Variants in SLC35F1 observed in about 807,000 individuals in gnomAD.
SLC35F1 encodes the protein chromosome 6 open reading frame 169.
In SLC35F1, 14 loss-of-function variants were observed where a neutral mutation model predicts 48.7. That is an observed-to-expected ratio of 0.29 (90% CI 0.19 to 0.45). The LOEUF (loss-of-function observed/expected upper bound fraction) is 0.45, where lower values mean the gene tolerates loss of function less well. SLC35F1 is among the 20% of genes least tolerant of loss of function. The pLI is 1.00. For synonymous variants in SLC35F1, 190 were observed against 202.2 expected, an observed-to-expected ratio of 0.94 and a Z score of 0.51; for missense variants, 404 against 500.0, an observed-to-expected ratio of 0.81 and a Z score of 1.83.
chr6:118,069,107 G>A (rs931633479), intron 1 of SLC35F1, among the ~76,000 whole-genome samples: 1 of 152,020 alleles, frequency 6.6e-6, no homozygotes, highest in Admixed American at 6.5e-5. Context: ...CCTTTAACGT[G>A]GTTTTTAATT....
intron 1 of SLC35F1, among the ~76,000 whole-genome samples, chr6:118,122,790 T>C (rs1773570525): frequency 1.3e-5 from 2 of 152,218 alleles, no homozygotes; most frequent in South Asian, 2.1e-4. Flanking sequence ...CCCTGGCTAA[T>C]TGGCATCCAA....
intron 1 of SLC35F1, among the ~76,000 whole-genome samples, chr6:117,937,737 T>C (rs2114817106): frequency 6.6e-6 from 1 of 152,318 alleles, no homozygotes; most frequent in Non-Finnish European, 1.5e-5. Context: ...ATGAGTACAC[T>C]GGGCAAAAAC....
Position 118,253,821 on chromosome 6 carries a change from T to C in SLC35F1, c.478-13174T>C, listed in dbSNP as rs766115055. On this transcript the variant is annotated intron_variant, in intron 3 of 7. Coordinates refer to ENST00000360388, the MANE Select transcript of SLC35F1 (RefSeq NM_001029858.4). ...GTGAAAGGAGCTGTCAGTATTGCTG[T>C]AGCTTGAGGAATGAATGGAACCAAG... Among the ~76,000 whole-genome samples, 69 of 151,946 alleles carry C rather than the reference T, an allele frequency of 4.5e-4. 1 individual carries two copies. The highest frequency in any genetic ancestry group is 7.9e-4 in the Admixed American group (12 of 15,256).
chr6:118,158,616 C>A (rs1774179375), intron 2 of SLC35F1, among the ~76,000 whole-genome samples: 2 of 152,130 alleles, frequency 1.3e-5, no homozygotes, highest in East Asian at 1.9e-4. Flanking sequence ...ATGCAAGAAA[C>A]CTTTCAAGAG....
intron 1 of SLC35F1, among the ~76,000 whole-genome samples, chr6:118,024,420 T>G (rs999468295): frequency 1.2e-4 from 18 of 152,232 alleles, no homozygotes; most frequent in Non-Finnish European, 1.8e-4. Flanking sequence ...ATCTTAGCAG[T>G]GTCCAATTTC....
intron 2 of SLC35F1, among the ~76,000 whole-genome samples, chr6:118,201,150 C>T (rs772949895): frequency 3.3e-5 from 5 of 152,144 alleles, no homozygotes; most frequent in Non-Finnish European, 7.3e-5. Context: ...ATGTTTATCT[C>T]CATTCTATTG....
intron 2 of SLC35F1, among the ~76,000 whole-genome samples, chr6:118,216,877 A>G (rs959473693): frequency 5.3e-5 from 8 of 152,184 alleles, no homozygotes; most frequent in African/African-American, 1.9e-4. Context: ...TGTGAACATA[A>G]TAAGGCATGT....
intron 1 of SLC35F1, among the ~76,000 whole-genome samples, chr6:118,019,070 A>G (rs542989019): frequency 6.6e-6 from 1 of 152,284 alleles, no homozygotes; most frequent in Admixed American, 6.5e-5. Context: ...ATCCTGAAAG[A>G]CAATGGTTTT....
intron 2 of SLC35F1, among the ~76,000 whole-genome samples, chr6:118,195,647 G>GT (rs923520673): frequency 3.9e-5 from 6 of 152,196 alleles, no homozygotes; most frequent in African/African-American, 1.4e-4. Context: ...CCAGTCAGAT[G>GT]TAAGAGGCCT....
At chr6:118,285,393 C>T (rs759004449) in intron 7 of SLC35F1, 55 bp downstream of exon 7, 4 of 1,596,436 alleles carry the variant, frequency 2.5e-6, no homozygotes, top group Non-Finnish European at 3.4e-6. Flanking sequence ...AAACAATGAA[C>T]ATGGGTAGGA....
chr6:118,270,979 T>C (rs1775844421), intron 4 of SLC35F1, among the ~76,000 whole-genome samples: 2 of 152,218 alleles, frequency 1.3e-5, no homozygotes, highest in South Asian at 4.1e-4. Flanking sequence ...ACAATACATT[T>C]ATTGCATCTT....
chr6:117,954,412 T>C (rs1380804428), intron 1 of SLC35F1, among the ~76,000 whole-genome samples: 2 of 152,076 alleles, frequency 1.3e-5, no homozygotes, highest in South Asian at 2.1e-4. Context: ...CCCGCCACCA[T>C]GCCTGGCTAA....
chr6:118,121,741 C>G (rs1773555663), intron 1 of SLC35F1, among the ~76,000 whole-genome samples: 1 of 152,176 alleles, frequency 6.6e-6, no homozygotes, highest in Non-Finnish European at 1.5e-5. Flanking sequence ...CTCCCAAGTT[C>G]TTTCTCTTTT....
intron 1 of SLC35F1, among the ~76,000 whole-genome samples, chr6:118,026,510 C>A (rs1448818884): frequency 6.6e-6 from 1 of 152,188 alleles, no homozygotes; most frequent in Non-Finnish European, 1.5e-5. Context: ...TGACATCACT[C>A]TTGGTTCTCT....
intron 1 of SLC35F1, among the ~76,000 whole-genome samples, chr6:118,147,720 G>A (rs1008839751): frequency 7.2e-5 from 11 of 151,976 alleles, no homozygotes; most frequent in African/African-American, 2.7e-4. Context: ...ATCTGTGACC[G>A]CTCCTCTCAC....
At chr6:117,942,205 G>C (rs1478950655) in intron 1 of SLC35F1, among the ~76,000 whole-genome samples, 1 of 152,120 alleles carries the variant, frequency 6.6e-6, no homozygotes, top group Non-Finnish European at 1.5e-5. Flanking sequence ...TTGAATTCGA[G>C]TCTCACTGAC....
chr6:118,119,499 C>CCCG (rs1554229003), intron 1 of SLC35F1, among the ~76,000 whole-genome samples: 1 of 74,562 alleles, frequency 1.3e-5, no homozygotes, highest in Non-Finnish European at 2.5e-5. Flanking sequence ...CCGGCGCCCC[C>CCCG]CCTCCACCCC....
At chr6:117,947,654 G>A (rs1776311614) in intron 1 of SLC35F1, among the ~76,000 whole-genome samples, 1 of 152,184 alleles carries the variant, frequency 6.6e-6, no homozygotes, top group Admixed American at 6.5e-5. Flanking sequence ...CTGATTGGGT[G>A]TAAAGTATGA....
At chr6:118,237,778 T>TA (rs1363342014) in intron 3 of SLC35F1, among the ~76,000 whole-genome samples, 11 of 152,250 alleles carry the variant, frequency 7.2e-5, no homozygotes, top group African/African-American at 2.7e-4. Context: ...ACCTTTTAGA[T>TA]ACGTCGTAGT....
Sources: allele counts gnomAD v4.1 joint callset (sites outside exome capture counted in the v4.1 genomes callset), GRCh38; gene constraint gnomAD v4.1.1; transcripts MANE v1.5; gene names NCBI Gene and HGNC (gene_info 2026-07-23, HGNC 2026-07-21).